The following RSRC1 variants were observed in gnomAD, a reference collection of about 807,000 sequenced individuals.
The protein encoded by RSRC1 is serine/Arginine-related protein 53.
RSRC1 carries 39 observed loss-of-function variants against 49.1 expected under a neutral mutation model. That is an observed-to-expected ratio of 0.79 (90% CI 0.61 to 1.04). The LOEUF (loss-of-function observed/expected upper bound fraction) is 1.04. RSRC1 is among the 50% of genes least tolerant of loss of function. RSRC1 has a pLI of 0.00. For synonymous variants in RSRC1, 143 were observed against 130.8 expected (o/e 1.09, Z -0.63); for missense variants, 388 against 402.4 (o/e 0.96, Z 0.31).
intron 5 of RSRC1, among the ~76,000 whole-genome samples, chr3:158,350,179 A>AATTT (rs1553790811): frequency 3.9e-4 from 49 of 126,532 alleles, no homozygotes; most frequent in Admixed American, 1.1e-3. Flanking sequence ...TATATATATA[A>AATTT]TTTTTTTTTT....
chr3:158,479,854 T>C (rs1260774427), intron 7 of RSRC1, among the ~76,000 whole-genome samples: 1 of 152,070 alleles, frequency 6.6e-6, no homozygotes, highest in African/African-American at 2.4e-5. Flanking sequence ...TTTGAGGCAA[T>C]AGATATCAAA....
At position 158,228,889 on chromosome 3, in the gene RSRC1, T is replaced by TGTGTATATAAACACATACGTGTAAC. The variant is rs1369273204; in HGVS notation, c.494+25659_494+25660insTACGTGTAACGTGTATATAAACACA. 5.7e-4 allele frequency among the ~76,000 whole-genome samples: 62 copies of TGTGTATATAAACACATACGTGTAAC among 108,310 alleles called. 24 individuals are homozygous for TGTGTATATAAACACATACGTGTAAC. The highest frequency in any genetic ancestry group is 1.1e-3 in the Non-Finnish European group (54 of 50,658). 71.1% of individuals were successfully genotyped at this position (108,310 alleles called of 152,430 possible). The stretch of plus-strand genomic sequence containing the variant: ...TATGTATATAAACACATACGTGTAA[T>TGTGTATATAAACACATACGTGTAAC]GTGTATATAAACACACATACGTGTA... On this transcript the variant is annotated intron_variant, in intron 4 of 9. Transcript: ENST00000611884.
At chr3:158,516,474 G>T (rs1356306395) in intron 7 of RSRC1, among the ~76,000 whole-genome samples, 1 of 152,154 alleles carries the variant, frequency 6.6e-6, no homozygotes, top group Non-Finnish European at 1.5e-5. Context: ...CCAGCTGGGT[G>T]CTGGGAGAAC....
chr3:158,407,394 A>T (rs1016305216), intron 6 of RSRC1, among the ~76,000 whole-genome samples: 1 of 152,198 alleles, frequency 6.6e-6, no homozygotes, highest in African/African-American at 2.4e-5. Context: ...TTTTATAACT[A>T]ATTTAAACAC....
intron 1 of RSRC1, among the ~76,000 whole-genome samples, chr3:158,117,588 G>C (rs1352358195): frequency 2.6e-5 from 4 of 152,078 alleles, no homozygotes; most frequent in Non-Finnish European, 4.4e-5. Context: ...CACCATGCCT[G>C]GCCTGGAAAT....
intron 3 of RSRC1, among the ~76,000 whole-genome samples, chr3:158,150,236 A>G (rs1014595002): frequency 3.3e-5 from 5 of 152,192 alleles, no homozygotes; most frequent in African/African-American, 9.7e-5. Flanking sequence ...TAACTGTTAG[A>G]CTTGCCAGTT....
intron 3 of RSRC1, among the ~76,000 whole-genome samples, chr3:158,168,136 A>G (rs1235786803): frequency 6.6e-6 from 1 of 152,176 alleles, no homozygotes; most frequent in Non-Finnish European, 1.5e-5. Flanking sequence ...TCCCTCTACA[A>G]TAGCAGCGTT....
At chr3:158,497,417 C>G (rs1461959237) in intron 7 of RSRC1, among the ~76,000 whole-genome samples, 1 of 148,736 alleles carries the variant, frequency 6.7e-6, no homozygotes, top group Non-Finnish European at 1.5e-5. Flanking sequence ...CTCTTCCCCC[C>G]AAGTCCTCAC....
chr3:158,285,674 C>G (rs544576837), intron 4 of RSRC1, among the ~76,000 whole-genome samples: 68 of 152,140 alleles, frequency 4.5e-4, no homozygotes, highest in African/African-American at 1.5e-3. Context: ...GGAGTTCACT[C>G]ATGATTTGGC....
chr3:158,284,821 A>G (rs966476317), intron 4 of RSRC1, among the ~76,000 whole-genome samples: 6 of 150,100 alleles, frequency 4.0e-5, no homozygotes, highest in Non-Finnish European at 7.5e-5. Context: ...AGGTTGCGAA[A>G]ATTTTCTCCC....
chr3:158,336,393 A>T (rs1023542240), intron 5 of RSRC1: 3 of 152,460 alleles, frequency 2.0e-5, no homozygotes, highest in African/African-American at 7.2e-5. Flanking sequence ...AGGGCAATTG[A>T]ATAGCTGGGC....
intron 8 of RSRC1, among the ~76,000 whole-genome samples, chr3:158,541,211 C>T (rs1287818487): frequency 1.3e-5 from 2 of 152,156 alleles, no homozygotes; most frequent in Non-Finnish European, 2.9e-5. Flanking sequence ...TTCCTTTTCA[C>T]CTGCCTGGCT....
At chr3:158,132,093 C>T (rs1229669646) in intron 3 of RSRC1, 1 of 441,694 alleles carries the variant, frequency 2.3e-6, no homozygotes, top group Non-Finnish European at 4.6e-6. Flanking sequence ...AAGGTATCCT[C>T]CTACCTCAAC....
At chr3:158,273,127 A>T (rs1725613802) in intron 4 of RSRC1, among the ~76,000 whole-genome samples, 1 of 152,120 alleles carries the variant, frequency 6.6e-6, no homozygotes, top group African/African-American at 2.4e-5. Flanking sequence ...ATTTATATTC[A>T]GGAATCATCT....
At chr3:158,387,557 T>A (rs1291883822) in intron 6 of RSRC1, among the ~76,000 whole-genome samples, 1 of 152,176 alleles carries the variant, frequency 6.6e-6, no homozygotes, top group Non-Finnish European at 1.5e-5. Flanking sequence ...TCTACAGTAT[T>A]TGCACTTAAA....
chr3:158,229,166 A>G lies in RSRC1; in HGVS notation c.494+25921A>G, dbSNP rs868714240. ...AACATACATACGTGTATATATGTAT[A>G]TAAACATATGTGTATGTGTAAACAT... On this transcript the variant is annotated intron_variant, in intron 4 of 9. Transcript: ENST00000611884. Among the ~76,000 whole-genome samples, 312 of 113,766 alleles carry G rather than the reference A, an allele frequency of 2.7e-3. 20 individuals carry two copies. Among genetic ancestry groups the G allele is most frequent in the Admixed American group, 8.5e-3 (88 of 10,314 alleles). 74.6% of individuals were successfully genotyped at this position (113,766 alleles called of 152,430 possible).
chr3:158,347,121 TTAGTAAA>T (rs1394114931), intron 5 of RSRC1, among the ~76,000 whole-genome samples: 2 of 152,242 alleles, frequency 1.3e-5, no homozygotes, highest in Non-Finnish European at 2.9e-5. Flanking sequence ...TGTAGACATT[TTAGTAAA>T]TAGTAAATAG....
intron 6 of RSRC1, among the ~76,000 whole-genome samples, chr3:158,384,229 A>G (rs750262387): frequency 2.0e-5 from 3 of 152,168 alleles, no homozygotes; most frequent in Non-Finnish European, 4.4e-5. Flanking sequence ...GCACTCCATC[A>G]GTAGGGTACG....
chr3:158,448,178 A>G (rs1344983118), intron 6 of RSRC1, among the ~76,000 whole-genome samples: 1 of 151,966 alleles, frequency 6.6e-6, no homozygotes, highest in Non-Finnish European at 1.5e-5. Context: ...TCGAAGGAAC[A>G]CAGAATGATG....
Sources: gnomAD v4.1 joint callset for allele counts (sites outside exome capture counted in the v4.1 genomes callset) on GRCh38, gnomAD v4.1.1 for gene constraint, MANE v1.5 for transcripts, NCBI Gene and HGNC (gene_info 2026-07-23, HGNC 2026-07-21) for gene names.